Variants in NOD2 observed in about 807,000 individuals in gnomAD.
The protein encoded by NOD2 is nucleotide-binding oligomerization domain-containing protein 2.
NOD2 carries 86 observed loss-of-function variants against 90.9 expected under a neutral mutation model. That is an observed-to-expected ratio of 0.95 (90% CI 0.79 to 1.13). NOD2 has a LOEUF of 1.13. NOD2 is among the 50% of genes most tolerant of loss of function. The probability of loss-of-function intolerance (pLI) is 0.00; values close to 1 mark genes in which losing one functional copy is unlikely to be tolerated. For synonymous variants in NOD2, 581 were observed against 554.6 expected (o/e 1.05, Z -0.67); for missense variants, 1,238 against 1,283.8 (o/e 0.96, Z 0.55).
chr16:50,697,327 C>G, intron 1 of NOD2: 1 of 1,552,962 alleles, frequency 6.4e-7, no homozygotes, highest in South Asian at 1.2e-5. Flanking sequence ...GTAAGAGGAG[C>G]AGGCATTGTC....
At chr16:50,720,110 C>T in intron 7 of NOD2, 102 bp downstream of exon 7, 1 of 1,054,414 alleles carries the variant, frequency 9.5e-7, no homozygotes. Context: ...CCAGAGGCAG[C>T]CCAGCTCCAG....
chr16:50,704,532 C>CT (rs71715899), intron 2 of NOD2, among the ~76,000 whole-genome samples: 55,824 of 145,512 alleles, frequency 0.38, 10,655 homozygotes, highest in Non-Finnish European at 0.4. Flanking sequence ...ATTCCAAAAC[C>CT]TTTTTTTTTT....
Position 50,711,114 on chromosome 16 carries a change from C to T in NOD2, c.1122C>T (p.Thr374=), listed in dbSNP as rs1964463056. ...GCCACTGCTCCCCGACCGACCCCAC[C>T]TCTGTCCAGACCCTGCTCTTCAACC... The part of the protein sequence containing the change: ...RERHCSPTDP[T]SVQTLLFNLL... The change falls in exon 4 of 12, where the codon ACC becomes ACT. Residue 374 remains threonine (T), a synonymous_variant. Coordinates refer to ENST00000647318, the MANE Select transcript of NOD2 (RefSeq NM_001370466.1). 6.2e-7 allele frequency: 1 copy of T among 1,614,230 alleles called. No homozygotes were observed. The highest frequency in any genetic ancestry group is 2.2e-5 in the East Asian group (1 of 44,872).
chr16:50,719,683 C>T, intron 6 of NOD2: 1 of 646,410 alleles, frequency 1.5e-6, no homozygotes, highest in South Asian at 1.5e-5. Flanking sequence ...TGGCTCCTGC[C>T]TGGAATTGTC....
chr16:50,711,290 A>G lies in NOD2; in HGVS notation c.1298A>G (p.His433Arg). ...ATCGAGCTGTACCTGAGGAAGCGCC[A>G]TCATGAGCCCGGGGTGGCGGACCGC... ...QGIELYLRKR[H>R]HEPGVADRLI... The change falls in exon 4 of 12, where the codon CAT becomes CGT. Residue 433 changes from histidine (H) to arginine (R), a missense_variant. Coordinates refer to ENST00000647318, the MANE Select transcript of NOD2 (RefSeq NM_001370466.1). 1.9e-6 allele frequency: 3 copies of G among 1,613,770 alleles called. No homozygotes were observed. The highest frequency in any genetic ancestry group is 2.5e-6 in the Non-Finnish European group (3 of 1,180,026).
intron 7 of NOD2, among the ~76,000 whole-genome samples, chr16:50,721,744 T>G (rs575360317): frequency 5.9e-5 from 9 of 152,260 alleles, no homozygotes; most frequent in African/African-American, 1.9e-4. Flanking sequence ...CCTCCCTCCT[T>G]TGCCTCCCAA....
intron 7 of NOD2, 127 bp downstream of exon 7, chr16:50,720,135 C>A: frequency 2.5e-6 from 2 of 796,282 alleles, no homozygotes; most frequent in Non-Finnish European, 4.2e-6. Context: ...GAGGACAAGC[C>A]AGGGAGAGAG....
At chr16:50,725,275 T>C (rs1965224303) in intron 9 of NOD2, among the ~76,000 whole-genome samples, 1 of 152,234 alleles carries the variant, frequency 6.6e-6, no homozygotes, top group Non-Finnish European at 1.5e-5. Flanking sequence ...AGCTGGGGGA[T>C]CAGGGAACTT....
chr16:50,722,614 C>T lies in NOD2; in HGVS notation c.2634-8C>T, dbSNP rs1393539789. The T allele has an allele frequency of 1.9e-6, 3 of 1,614,062 alleles. No homozygotes were observed. The highest frequency in any genetic ancestry group is 2.5e-6 in the Non-Finnish European group (3 of 1,179,872). On this transcript the variant is annotated splice_polypyrimidine_tract_variant and splice_region_variant and intron_variant, in intron 7 of 11. Coordinates refer to ENST00000647318, the MANE Select transcript of NOD2 (RefSeq NM_001370466.1). ...GACACTGTCTGTTGACTCTTTTGGC[C>T]TTTTCAGATTCTGGGGCAACAGAGT... is the stretch of plus-strand genomic sequence containing the variant.
At chr16:50,704,726 C>T (rs1326520967) in intron 2 of NOD2, among the ~76,000 whole-genome samples, 1 of 152,134 alleles carries the variant, frequency 6.6e-6, no homozygotes, top group Non-Finnish European at 1.5e-5. Flanking sequence ...CTATGTTGGC[C>T]AGGCTGGTCT....
intron 10 of NOD2, among the ~76,000 whole-genome samples, chr16:50,728,826 T>A (rs1485670385): frequency 6.6e-6 from 1 of 152,202 alleles, no homozygotes; most frequent in Non-Finnish European, 1.5e-5. Context: ...CTCCCTGTTG[T>A]CAGCTACCTC....
At chr16:50,712,845 G>A (rs893917242) in intron 4 of NOD2, 4 of 199,126 alleles carry the variant, frequency 2.0e-5, no homozygotes, top group Non-Finnish European at 4.2e-5. Context: ...GTATGTGTCC[G>A]TATCAGGAAC....
intron 1 of NOD2, among the ~76,000 whole-genome samples, chr16:50,696,747 C>T (rs1251962994): frequency 2.0e-5 from 3 of 152,216 alleles, no homozygotes; most frequent in Non-Finnish European, 2.9e-5. Context: ...TCAGGATTCT[C>T]TCTGCTCTGA....
chr16:50,710,690 G>A lies in NOD2; in HGVS notation c.698G>A (p.Trp233Ter). 1 of 1,613,926 alleles carries A rather than the reference G, an allele frequency of 6.2e-7. No homozygotes were observed. Residue 233 changes from tryptophan (W) to a stop codon, truncating the protein, a stop_gained, in exon 4 of 12, where the codon TGG (tryptophan) becomes TAG (stop). Coordinates refer to ENST00000647318, the MANE Select transcript of NOD2 (RefSeq NM_001370466.1). LOFTEE classifies it high-confidence loss of function. ...DIYTENVLEV[W>*]ADVGMAGPPQ... ...TACACAGAGAATGTCCTGGAGGTCT[G>A]GGCAGATGTGGGCATGGCTGGACCC...
At position 50,732,194 on chromosome 16, in the gene NOD2, G is replaced by A. The variant is rs563749168; in HGVS notation, c.*375G>A. 272 of 372,650 alleles carry A rather than the reference G, an allele frequency of 7.3e-4. 1 individual carries two copies. Among genetic ancestry groups the A allele is most frequent in the Admixed American group, 1.4e-3 (36 of 26,396 alleles). The allele number at this position is 372,650 out of a possible 1,614,324, so 23.1% of individuals were successfully genotyped here. On this transcript the variant is annotated 3_prime_UTR_variant, in exon 12 of 12. Transcript: ENST00000647318. ...TGAGTGCCTTTTGGTGGAGAGGCCC[G>A]GCCTCTCACAAAAGACCCCTTACCA...
At chr16:50,713,925 G>A (rs764265071) in intron 4 of NOD2, among the ~76,000 whole-genome samples, 4 of 152,146 alleles carry the variant, frequency 2.6e-5, no homozygotes, top group African/African-American at 4.8e-5. Context: ...AGCCAGGGAC[G>A]GGTAGAGAAG....
chr16:50,715,405 A>C (rs1051839475), intron 4 of NOD2, among the ~76,000 whole-genome samples: 50 of 149,100 alleles, frequency 3.4e-4, no homozygotes, highest in Admixed American at 1.5e-3. Flanking sequence ...GAGGCTGATA[A>C]TACTATTGTT....
chr16:50,725,515 A>G lies in NOD2; in HGVS notation c.2828A>G (p.Glu943Gly), dbSNP rs371389581. 16 of 1,613,922 alleles carry G rather than the reference A, an allele frequency of 9.9e-6. No individual in the cohort carries two copies. The highest frequency in any genetic ancestry group is 1.6e-4 in the Middle Eastern group (1 of 6,082). The part of the protein sequence containing the change: ...LCLEENHLQD[E>G]GVCSLAEGLK... Reference sequence around the variant, plus strand: ...CTGGAGGAGAACCATCTCCAGGATGAAGGTGTATGTTCTCTCGCAGAAGGA... The same window carrying G: ...CTGGAGGAGAACCATCTCCAGGATGGAGGTGTATGTTCTCTCGCAGAAGGA... The change falls in exon 10 of 12, where the codon GAA becomes GGA. Residue 943 changes from glutamate (E) to glycine (G), a missense_variant. Transcript: ENST00000647318.
chr16:50,706,879 G>T (rs1387054315), intron 2 of NOD2, among the ~76,000 whole-genome samples: 1 of 152,018 alleles, frequency 6.6e-6, no homozygotes, highest in Non-Finnish European at 1.5e-5. Context: ...TGTATTTTTA[G>T]TAGTGATGGG....
Sources: allele counts gnomAD v4.1 joint callset (sites outside exome capture counted in the v4.1 genomes callset), GRCh38; gene constraint gnomAD v4.1.1; transcripts MANE v1.5; gene names NCBI Gene and HGNC (gene_info 2026-07-23, HGNC 2026-07-21).